DDX10: variants seen among roughly 807,000 people sequenced by gnomAD.
DDX10 encodes probable ATP-dependent RNA helicase DDX10.
DDX10 carries 74 observed loss-of-function variants against 104.3 expected under a neutral mutation model. The observed-to-expected ratio is 0.71, with a 90% CI of 0.59 to 0.86. The LOEUF (loss-of-function observed/expected upper bound fraction) is 0.86, where lower values mean the gene tolerates loss of function less well. DDX10 is among the 40% of genes least tolerant of loss of function. The pLI is 0.00. For missense variants in DDX10, 952 were observed against 1,040.0 expected (o/e 0.92, Z 1.16); for synonymous variants, 351 against 353.4 (o/e 0.99, Z 0.08).
chr11:108,796,291 T>C (rs1861940484), intron 13 of DDX10, among the ~76,000 whole-genome samples: 1 of 152,240 alleles, frequency 6.6e-6, no homozygotes, highest in East Asian at 1.9e-4. Flanking sequence ...GTTTTCTGTG[T>C]TACATTTTTG....
chr11:108,687,954 A>G lies in DDX10; in HGVS notation c.849-982A>G, dbSNP rs569604409. On this transcript the variant is annotated intron_variant, in intron 6 of 17. Coordinates refer to ENST00000322536, the MANE Select transcript of DDX10 (RefSeq NM_004398.4). The stretch of plus-strand genomic sequence containing the variant: ...GATATATAATGTATAGCCCCCTGAT[A>G]AATAGTACCAAACTATCTGTACTAT... 5.9e-5 allele frequency among the ~76,000 whole-genome samples: 9 copies of G among 152,302 alleles called. No individual in the cohort carries two copies. In the South Asian group the frequency reaches 1.9e-3, roughly 32 times the overall value.
At chr11:108,804,666 C>T (rs1186934743) in intron 13 of DDX10, among the ~76,000 whole-genome samples, 1 of 152,168 alleles carries the variant, frequency 6.6e-6, no homozygotes, top group African/African-American at 2.4e-5. Flanking sequence ...GGCCAGTTTG[C>T]TTTCCCATCT....
At chr11:108,716,063 A>T in intron 11 of DDX10, 97 bp downstream of exon 11, 1 of 722,768 alleles carries the variant, frequency 1.4e-6, no homozygotes, top group Non-Finnish European at 2.4e-6. Context: ...TGCTTCAGAT[A>T]TTCAAGCAGT....
At chr11:108,794,360 A>G (rs966239194) in intron 13 of DDX10, among the ~76,000 whole-genome samples, 2 of 152,078 alleles carry the variant, frequency 1.3e-5, no homozygotes, top group Non-Finnish European at 2.9e-5. Context: ...ATCCTTACCA[A>G]TCTCTATGCC....
At chr11:108,819,832 C>G (rs1188030157) in intron 13 of DDX10, among the ~76,000 whole-genome samples, 1 of 152,148 alleles carries the variant, frequency 6.6e-6, no homozygotes, top group Non-Finnish European at 1.5e-5. Flanking sequence ...CTCCTGACCT[C>G]AGGTGATCCA....
At chr11:108,799,356 T>G (rs2134555751) in intron 13 of DDX10, among the ~76,000 whole-genome samples, 1 of 152,310 alleles carries the variant, frequency 6.6e-6, no homozygotes, top group South Asian at 2.1e-4. Context: ...GATGTGGCAT[T>G]TATATTTTGG....
chr11:108,718,876 G>A (rs2094294896), intron 11 of DDX10, among the ~76,000 whole-genome samples: 1 of 152,204 alleles, frequency 6.6e-6, no homozygotes, highest in Non-Finnish European at 1.5e-5. Flanking sequence ...TGTTTTTTAT[G>A]CCTATGGAGA....
At chr11:108,843,737 C>T (rs919197853) in intron 15 of DDX10, among the ~76,000 whole-genome samples, 2 of 149,098 alleles carry the variant, frequency 1.3e-5, no homozygotes, top group African/African-American at 5.0e-5. Flanking sequence ...GCCTGGGCAA[C>T]AGGAGTGAGA....
chr11:108,838,598 G>A, intron 14 of DDX10, 33 bp downstream of exon 14: 4 of 1,588,070 alleles, frequency 2.5e-6, no homozygotes, highest in East Asian at 2.3e-5. Flanking sequence ...TTTCTGAGGT[G>A]CATTTGGAGT....
At chr11:108,850,249 A>G (rs905668275) in intron 15 of DDX10, among the ~76,000 whole-genome samples, 4 of 152,184 alleles carry the variant, frequency 2.6e-5, no homozygotes, top group Non-Finnish European at 5.9e-5. Context: ...GCACATGTAA[A>G]TTCTGATAGC....
intron 16 of DDX10, among the ~76,000 whole-genome samples, chr11:108,854,264 C>G (rs1469397255): frequency 6.6e-6 from 1 of 152,176 alleles, no homozygotes; most frequent in Non-Finnish European, 1.5e-5. Context: ...TATTTGGAAA[C>G]ACTTGGTAAA....
intron 13 of DDX10, among the ~76,000 whole-genome samples, chr11:108,799,499 A>G (rs1861988927): frequency 6.6e-6 from 1 of 152,172 alleles, no homozygotes; most frequent in Non-Finnish European, 1.5e-5. Flanking sequence ...CACTCAGACA[A>G]TGATTATTTG....
At chr11:108,843,076 G>T (rs942659074) in intron 15 of DDX10, among the ~76,000 whole-genome samples, 4 of 152,218 alleles carry the variant, frequency 2.6e-5, no homozygotes, top group Non-Finnish European at 2.9e-5. Flanking sequence ...GCCATAGGCT[G>T]TGAACATAGA....
At chr11:108,855,649 CAG>C (rs1591836289) in intron 16 of DDX10, among the ~76,000 whole-genome samples, 1 of 152,004 alleles carries the variant, frequency 6.6e-6, no homozygotes, top group East Asian at 1.9e-4. Flanking sequence ...TTAGTAGAGA[CAG>C]AGTTTCACTG....
rs558382199 is a variant in DDX10, at chr11:108,789,754, C to T, written c.1966-48692C>T. 6.6e-5 allele frequency among the ~76,000 whole-genome samples: 10 copies of T among 152,226 alleles called. No individual in the cohort carries two copies. The South Asian group carries it at 2.1e-3, about 32-fold the overall frequency. On this transcript the variant is annotated intron_variant, in intron 13 of 17. Transcript: ENST00000322536. ...CACGACCATAGGTGGCTTAAAGAAC[C>T]AGGAAAACTTTGTTACTTACATGAT...
At chr11:108,845,678 A>C (rs1224221922) in intron 15 of DDX10, among the ~76,000 whole-genome samples, 1 of 152,240 alleles carries the variant, frequency 6.6e-6, no homozygotes, top group Non-Finnish European at 1.5e-5. Flanking sequence ...AAAACTTCGT[A>C]AAACCTATCA....
Position 108,665,142 on chromosome 11 carries a change from G to A in DDX10, c.-12G>A, listed in dbSNP as rs373889613. ...TCTGGGGTTGATCCGAGCTGTCGCC[G>A]CCGCCGCCGCAATGGGCAAAACGGC... On this transcript the variant is annotated 5_prime_UTR_variant, in exon 1 of 18. Coordinates refer to ENST00000322536, the MANE Select transcript of DDX10 (RefSeq NM_004398.4). 5 of 1,598,888 alleles carry A rather than the reference G, an allele frequency of 3.1e-6. No individual in the cohort carries two copies. The highest frequency in any genetic ancestry group is 1.3e-5 in the African/African-American group (1 of 74,114).
Position 108,678,449 on chromosome 11 carries a change from A to G in DDX10, c.658+14A>G, listed in dbSNP as rs1591788789. On this transcript the variant is annotated intron_variant, in intron 5 of 17. Transcript: ENST00000322536. Reference sequence around the variant, plus strand: ...TCCAAATGTTAGGTGAGTCAAATCAATTTCTAATTTAAAAAAAAAAAAAGC... The same window carrying G: ...TCCAAATGTTAGGTGAGTCAAATCAGTTTCTAATTTAAAAAAAAAAAAAGC... 3 of 1,561,046 alleles carry G rather than the reference A, an allele frequency of 1.9e-6. No homozygotes were observed. Among genetic ancestry groups the G allele is most frequent in the Non-Finnish European group, 2.6e-6 (3 of 1,160,762 alleles).
chr11:108,936,797 T>C lies in DDX10; in HGVS notation c.2451-3449T>C, dbSNP rs968352197. On this transcript the variant is annotated intron_variant, in intron 17 of 17. Transcript: ENST00000322536. Reference sequence around the variant, plus strand: ...GTGCCTAAATCTTTGTCTAAATCTCTATTTCCTTCAGATAACGTCCCAGAA... The same window carrying C: ...GTGCCTAAATCTTTGTCTAAATCTCCATTTCCTTCAGATAACGTCCCAGAA... Among the ~76,000 whole-genome samples the C allele has an allele frequency of 1.1e-4, 16 of 152,342 alleles. 1 individual carries two copies. In the Middle Eastern group the frequency reaches 0.014, roughly 130 times the overall value.
Sources: gnomAD v4.1 joint callset for allele counts (sites outside exome capture counted in the v4.1 genomes callset) on GRCh38, gnomAD v4.1.1 for gene constraint, MANE v1.5 for transcripts, NCBI Gene and HGNC (gene_info 2026-07-23, HGNC 2026-07-21) for gene names.